The following DNAH6 variants were observed in gnomAD, a reference collection of about 807,000 sequenced individuals.
The protein encoded by DNAH6 is dynein axonemal heavy chain 6.
In DNAH6, 340 loss-of-function variants were observed where a neutral mutation model predicts 491.4. The ratio of observed to expected loss-of-function variants is 0.69; its 90% confidence interval spans 0.63 to 0.76. The LOEUF is 0.76. Among genes scored for constraint, DNAH6 ranks in the 30% least tolerant of loss-of-function variants. The pLI, the probability that DNAH6 is intolerant of heterozygous loss-of-function variation, is 0.00. For missense variants in DNAH6, 4,443 were observed against 4,972.2 expected (o/e 0.89, Z 3.20); for synonymous variants, 1,603 against 1,686.1 (o/e 0.95, Z 1.21).
At chr2:84,788,716 G>A (rs1336375244) in intron 68 of DNAH6, among the ~76,000 whole-genome samples, 1 of 152,102 alleles carries the variant, frequency 6.6e-6, no homozygotes, top group Non-Finnish European at 1.5e-5. Context: ...ATTTTTATGT[G>A]GCACCCATCC....
chr2:84,764,660 T>TTTA (rs1674907962), intron 64 of DNAH6, among the ~76,000 whole-genome samples: 1 of 152,194 alleles, frequency 6.6e-6, no homozygotes. Flanking sequence ...TTTTATAATT[T>TTTA]CAACTTTTAG....
At chr2:84,553,112 G>A (rs1679566262) in intron 10 of DNAH6, 78 bp downstream of exon 10, 4 of 810,318 alleles carry the variant, frequency 4.9e-6, no homozygotes, top group Non-Finnish European at 6.0e-6. Flanking sequence ...TCAATTGGTT[G>A]TCAGAATTGC....
intron 15 of DNAH6, among the ~76,000 whole-genome samples, chr2:84,585,663 T>C (rs1238095403): frequency 1.3e-5 from 2 of 151,938 alleles, no homozygotes; most frequent in East Asian, 3.9e-4. Context: ...GCCCAGCTCC[T>C]AGCAGAGAGG....
At chr2:84,555,279 T>C (rs915913804) in intron 10 of DNAH6, among the ~76,000 whole-genome samples, 1 of 152,216 alleles carries the variant, frequency 6.6e-6, no homozygotes, top group Non-Finnish European at 1.5e-5. Flanking sequence ...TTTTGAATTC[T>C]AATATTTCTT....
Position 84,705,486 on chromosome 2 carries a change from G to A in DNAH6, c.8466G>A (p.Lys2822=). 1 of 1,538,986 alleles carries A rather than the reference G, an allele frequency of 6.5e-7. No homozygotes were observed. Among genetic ancestry groups the A allele is most frequent in the Non-Finnish European group, 8.8e-7 (1 of 1,139,934 alleles). Residue 2822 remains lysine (K), a splice_region_variant and synonymous_variant, in exon 52 of 77, where the codon AAG becomes AAA. Transcript: ENST00000389394. ...TTAATATATCATGTCTGTCTTTCAGGCCTGATTGGCCATCAGCAAAGCAAC... is the reference window on the plus strand; with the variant it reads ...TTAATATATCATGTCTGTCTTTCAGACCTGATTGGCCATCAGCAAAGCAAC... The part of the protein sequence containing the change: ...MEAISILLNA[K]PDWPSAKQLL...
chr2:84,788,857 A>G (rs72924779), intron 68 of DNAH6, among the ~76,000 whole-genome samples: 188 of 152,310 alleles, frequency 1.2e-3, no homozygotes, highest in African/African-American at 4.4e-3. Context: ...GACTGATTTT[A>G]TGGGAAAATT....
intron 38 of DNAH6, 79 bp from the exon 39 acceptor site, chr2:84,670,247 TAC>T: frequency 1.0e-6 from 1 of 960,446 alleles, no homozygotes. Flanking sequence ...TCCTGTTTCT[TAC>T]TCATTGTGCC....
the DNAH6 span, among the ~76,000 whole-genome samples, chr2:84,494,853 C>T: frequency 1.6e-4 from 24 of 152,282 alleles, no homozygotes; most frequent in East Asian, 3.3e-3. Flanking sequence ...ACTGAACCAC[C>T]TGGGAATTAT....
the DNAH6 span, among the ~76,000 whole-genome samples, chr2:84,471,747 C>T: frequency 6.6e-6 from 1 of 152,210 alleles, no homozygotes; most frequent in Non-Finnish European, 1.5e-5. Flanking sequence ...TACCCTTACC[C>T]CCACGTTAGT....
At chr2:84,683,195 G>T (rs1693953275) in intron 42 of DNAH6, among the ~76,000 whole-genome samples, 1 of 152,048 alleles carries the variant, frequency 6.6e-6, no homozygotes, top group South Asian at 2.1e-4. Flanking sequence ...TCATGTATCT[G>T]TCTCTCCCAT....
chr2:84,614,821 T>G (rs1178376235), intron 22 of DNAH6, among the ~76,000 whole-genome samples: 2 of 152,194 alleles, frequency 1.3e-5, no homozygotes, highest in African/African-American at 4.8e-5. Flanking sequence ...TTTGTATACC[T>G]TCTTTTGAGA....
chr2:84,513,372 T>C (rs990443573), upstream of DNAH6, among the ~76,000 whole-genome samples: 3 of 152,190 alleles, frequency 2.0e-5, no homozygotes, highest in Non-Finnish European at 4.4e-5. Flanking sequence ...TTGTAAACTA[T>C]TATTTAAAGA....
the DNAH6 span, among the ~76,000 whole-genome samples, chr2:84,497,885 G>A: frequency 6.6e-6 from 1 of 152,302 alleles, no homozygotes; most frequent in South Asian, 2.1e-4. Context: ...AGACCCAAAA[G>A]TGATCCCTGA....
intron 11 of DNAH6, among the ~76,000 whole-genome samples, chr2:84,560,443 CTTTTTTTTTTCTTTT>C (rs1680530884): frequency 6.8e-6 from 1 of 147,700 alleles, no homozygotes; most frequent in Non-Finnish European, 1.5e-5. Flanking sequence ...AAATAGTTTT[CTTTTTTTTTTCTTTT>C]TTTTTTTATT....
Position 84,588,964 on chromosome 2 carries a change from G to A in DNAH6, c.2610+10G>A. The A allele has an allele frequency of 6.5e-7, 1 of 1,539,616 alleles. No individual in the cohort carries two copies. Among genetic ancestry groups the A allele is most frequent in the East Asian group, 2.5e-5 (1 of 40,576 alleles). ...TCAGAAGAATTTTAAGGTAATGACA[G>A]TTTTACACCATCTGTCTTAGAAATG... On this transcript the variant is annotated intron_variant, in intron 16 of 76. Transcript: ENST00000389394.
At chr2:84,536,715 G>T (rs1487694454) in intron 4 of DNAH6, among the ~76,000 whole-genome samples, 1 of 151,936 alleles carries the variant, frequency 6.6e-6, no homozygotes, top group Non-Finnish European at 1.5e-5. Flanking sequence ...ATCATCTTCT[G>T]CCATTTGCTG....
At chr2:84,569,990 T>C (rs1012417096) in intron 11 of DNAH6, among the ~76,000 whole-genome samples, 1 of 152,038 alleles carries the variant, frequency 6.6e-6, no homozygotes, top group Admixed American at 6.6e-5. Flanking sequence ...TCTGTTGAAA[T>C]AGGCTACAAG....
At chr2:84,720,520 C>T (rs1346264095) in intron 59 of DNAH6, among the ~76,000 whole-genome samples, 4 of 151,792 alleles carry the variant, frequency 2.6e-5, no homozygotes, top group Non-Finnish European at 5.9e-5. Flanking sequence ...CCTCGTGATC[C>T]GCCCGCCTCG....
the DNAH6 span, among the ~76,000 whole-genome samples, chr2:84,510,905 A>G: frequency 2.0e-5 from 3 of 152,192 alleles, no homozygotes; most frequent in Non-Finnish European, 4.4e-5. Context: ...GGTAAACAGC[A>G]AATGTTGCTG....
Sources: allele counts gnomAD v4.1 joint callset (sites outside exome capture counted in the v4.1 genomes callset), GRCh38; gene constraint gnomAD v4.1.1; transcripts MANE v1.5; gene names NCBI Gene and HGNC (gene_info 2026-07-23, HGNC 2026-07-21).